The following ITFG1 variants were observed in gnomAD, a reference collection of about 807,000 sequenced individuals.
ITFG1 encodes integrin alpha FG-GAP repeat containing 1.
ITFG1 carries 34 observed loss-of-function variants against 81.8 expected under a neutral mutation model. The observed-to-expected ratio is 0.42, with a 90% CI of 0.32 to 0.55. ITFG1 has a LOEUF of 0.55. ITFG1 is among the 20% of genes least tolerant of loss of function. ITFG1 has a pLI of 0.17. For synonymous variants in ITFG1, 285 were observed against 270.6 expected, an observed-to-expected ratio of 1.05 and a Z score of -0.52; for missense variants, 672 against 755.4, an observed-to-expected ratio of 0.89 and a Z score of 1.29.
chr16:47,322,219 T>G (rs1298008690), intron 8 of ITFG1, among the ~76,000 whole-genome samples: 1 of 152,188 alleles, frequency 6.6e-6, no homozygotes. Flanking sequence ...AAAGCTATAC[T>G]TCTTTAAGAT....
chr16:47,456,861 G>T (rs1019356343), intron 2 of ITFG1, among the ~76,000 whole-genome samples: 2 of 152,074 alleles, frequency 1.3e-5, no homozygotes, highest in Non-Finnish European at 2.9e-5. Flanking sequence ...CAAAAGGCCT[G>T]GAGAATGAAT....
chr16:47,427,703 C>T (rs929025362), intron 6 of ITFG1, among the ~76,000 whole-genome samples: 11 of 152,238 alleles, frequency 7.2e-5, no homozygotes, highest in African/African-American at 2.7e-4. Context: ...ATCCACACAA[C>T]TGTACAGCAC....
At chr16:47,399,197 T>C (rs1202273178) in intron 6 of ITFG1, among the ~76,000 whole-genome samples, 1 of 152,256 alleles carries the variant, frequency 6.6e-6, no homozygotes, top group Non-Finnish European at 1.5e-5. Context: ...GAATTTTTAC[T>C]GAGAGCTACA....
At chr16:47,410,945 C>T (rs1187878761) in intron 6 of ITFG1, among the ~76,000 whole-genome samples, 1 of 152,120 alleles carries the variant, frequency 6.6e-6, no homozygotes, top group Admixed American at 6.5e-5. Context: ...TGTTTGTTTG[C>T]CACCCCATCC....
rs552337649 is a variant in ITFG1, at chr16:47,404,258, A to C, written c.655+24546T>G. Among the ~76,000 whole-genome samples, 70 of 152,284 alleles carry C rather than the reference A, an allele frequency of 4.6e-4. 1 individual carries two copies. The highest frequency in any genetic ancestry group is 4.3e-3 in the Admixed American group (66 of 15,286). ...TGGGAGCCTTTCCAATCTGCCTTTA[A>C]TGGCAAGACTTGATAAGTTAAAAGA... On this transcript the variant is annotated intron_variant, in intron 6 of 17. Transcript: ENST00000320640.
At chr16:47,362,981 C>G (rs1968128564) in intron 8 of ITFG1, among the ~76,000 whole-genome samples, 2 of 152,178 alleles carry the variant, frequency 1.3e-5, no homozygotes. Flanking sequence ...ACTGCAACGT[C>G]TGCCTCCCAG....
chr16:47,365,196 C>T (rs577529044), intron 8 of ITFG1, among the ~76,000 whole-genome samples: 5 of 152,276 alleles, frequency 3.3e-5, no homozygotes, highest in Admixed American at 2.0e-4. Flanking sequence ...TGGGAACAAG[C>T]ACTGAACAGC....
intron 8 of ITFG1, chr16:47,317,565 GA>G (rs1967379997): frequency 6.6e-6 from 1 of 152,172 alleles, no homozygotes; most frequent in African/African-American, 2.4e-5. Context: ...TGCAGCCTCT[GA>G]ATCGGCTGGG....
At chr16:47,242,553 C>G (rs892691044) in intron 12 of ITFG1, among the ~76,000 whole-genome samples, 3 of 152,026 alleles carry the variant, frequency 2.0e-5, no homozygotes, top group African/African-American at 7.2e-5. Context: ...AATAAAGATA[C>G]AAATGCCTCT....
chr16:47,385,918 T>C (rs2151594046), intron 6 of ITFG1, among the ~76,000 whole-genome samples: 1 of 152,230 alleles, frequency 6.6e-6, no homozygotes, highest in East Asian at 1.9e-4. Flanking sequence ...CATATTTAAC[T>C]TACAGACTAA....
At chr16:47,380,628 T>C (rs751030314) in intron 6 of ITFG1, among the ~76,000 whole-genome samples, 17 of 152,150 alleles carry the variant, frequency 1.1e-4, no homozygotes, top group Non-Finnish European at 2.9e-5. Flanking sequence ...AGGGTTGGTA[T>C]AGGGAGAGTG....
chr16:47,315,471 T>C (rs1414573412), intron 8 of ITFG1, among the ~76,000 whole-genome samples: 1 of 152,160 alleles, frequency 6.6e-6, no homozygotes, highest in African/African-American at 2.4e-5. Flanking sequence ...TTACCACGGC[T>C]TTTCCCTTCA....
chr16:47,209,187 T>C (rs1447131100), intron 14 of ITFG1, among the ~76,000 whole-genome samples: 2 of 152,236 alleles, frequency 1.3e-5, no homozygotes, highest in Non-Finnish European at 2.9e-5. Flanking sequence ...GAAATTGGAA[T>C]ATATTTTGTC....
intron 14 of ITFG1, among the ~76,000 whole-genome samples, chr16:47,209,029 TAAGGA>T (rs1965533804): frequency 6.6e-6 from 1 of 152,012 alleles, no homozygotes. Context: ...GGGGAAAACA[TAAGGA>T]AGATTGAAAA....
chr16:47,165,837 C>T (rs930543949), intron 14 of ITFG1, among the ~76,000 whole-genome samples: 1 of 152,158 alleles, frequency 6.6e-6, no homozygotes, highest in Non-Finnish European at 1.5e-5. Context: ...TAGAGTAAGA[C>T]CCTGTCTCAA....
At chr16:47,301,437 G>A (rs1015656364) in intron 10 of ITFG1, among the ~76,000 whole-genome samples, 11 of 145,772 alleles carry the variant, frequency 7.5e-5, no homozygotes, top group African/African-American at 2.6e-4. Flanking sequence ...TGGCACTGTC[G>A]CCCAGGCTGG....
At chr16:47,244,289 T>A (rs1184098933) in intron 12 of ITFG1, among the ~76,000 whole-genome samples, 3 of 152,198 alleles carry the variant, frequency 2.0e-5, no homozygotes, top group Non-Finnish European at 4.4e-5. Context: ...GGAACCCTGA[T>A]TCATGGCCAG....
chr16:47,220,077 G>A (rs1258955944), intron 13 of ITFG1, among the ~76,000 whole-genome samples: 1 of 152,084 alleles, frequency 6.6e-6, no homozygotes, highest in African/African-American at 2.4e-5. Context: ...TTTCCTATCT[G>A]TATTCAGTTA....
rs549815435 is a variant in ITFG1 at position 47,438,899 on chromosome 16, G to C, written c.561-10001C>G. Among the ~76,000 whole-genome samples the C allele has an allele frequency of 2.0e-5, 3 of 152,268 alleles. No individual in the cohort carries two copies. The South Asian group carries it at 6.2e-4, about 32-fold the overall frequency. Reference sequence around the variant, plus strand: ...ATCAAACTACTCCGAGCTAAATGAGGAAGTTTGAACCAATGGCAAAGAAGC... The same window carrying C: ...ATCAAACTACTCCGAGCTAAATGAGCAAGTTTGAACCAATGGCAAAGAAGC... On this transcript the variant is annotated intron_variant, in intron 5 of 17. Transcript: ENST00000320640.
Sources: allele counts gnomAD v4.1 joint callset (sites outside exome capture counted in the v4.1 genomes callset), GRCh38; gene constraint gnomAD v4.1.1; transcripts MANE v1.5; gene names NCBI Gene and HGNC (gene_info 2026-07-23, HGNC 2026-07-21).